The following AZU1 variants were observed in gnomAD, a reference collection of about 807,000 sequenced individuals.
AZU1 encodes azurocidin.
A neutral mutation model predicts 17.8 loss-of-function variants in AZU1; 21 were observed. The observed-to-expected ratio is 1.18, with a 90% CI of 0.84 to 1.70. The LOEUF (loss-of-function observed/expected upper bound fraction) is 1.70. AZU1 is among the 40% of genes most tolerant of loss of function. The pLI, the probability that AZU1 is intolerant of heterozygous loss-of-function variation, is 0.00. For missense variants in AZU1, 379 were observed against 362.9 expected (o/e 1.04, Z -0.36); for synonymous variants, 178 against 155.2 (o/e 1.15, Z -1.09).
intron 4 of AZU1, chr19:831,326 C>T: frequency 3.1e-6 from 1 of 318,376 alleles, no homozygotes; most frequent in Non-Finnish European, 5.8e-6. Flanking sequence ...GATCGACCCA[C>T]CTTGGCCTCC....
chr19:828,360 G>A lies in AZU1; in HGVS notation c.189G>A (p.Met63Ile), dbSNP rs755091033. Residue 63 changes from methionine to isoleucine, a missense_variant, in exon 2 of 5, where the codon ATG (methionine) becomes ATA (isoleucine). Transcript: ENST00000233997. The stretch of plus-strand genomic sequence containing the variant: ...CCCTGATCCATGCCCGCTTCGTGAT[G>A]ACCGCGGCCAGCTGCTTCCAAAGCC... ...GGALIHARFVMTAASCFQSQN... is the reference protein window; with the variant it reads ...GGALIHARFVITAASCFQSQN... 2 of 1,596,734 alleles carry A rather than the reference G, an allele frequency of 1.3e-6. No individual in the cohort carries two copies. The highest frequency in any genetic ancestry group is 2.7e-5 in the African/African-American group (2 of 74,220).
At chr19:829,979 T>A (rs1311948778) in intron 3 of AZU1, among the ~76,000 whole-genome samples, 2 of 149,946 alleles carry the variant, frequency 1.3e-5, no homozygotes, top group Non-Finnish European at 3.0e-5. Flanking sequence ...TGTGTGTATC[T>A]TGCCGGGTGA....
intron 3 of AZU1, among the ~76,000 whole-genome samples, chr19:830,120 C>A (rs962294627): frequency 6.6e-6 from 1 of 151,948 alleles, no homozygotes; most frequent in African/African-American, 2.4e-5. Flanking sequence ...ATTAGCCAGG[C>A]ATGGCAGCGG....
At chr19:830,301 T>C (rs2035271938) in intron 3 of AZU1, among the ~76,000 whole-genome samples, 1 of 152,162 alleles carries the variant, frequency 6.6e-6, no homozygotes, top group Admixed American at 6.6e-5. Context: ...CATACAGATG[T>C]ACCACGGTTC....
chr19:830,573 C>T, intron 3 of AZU1, 135 bp from the exon 4 acceptor site: 2 of 800,636 alleles, frequency 2.5e-6, no homozygotes, highest in Non-Finnish European at 3.8e-6. Context: ...AGCCACCGCA[C>T]CCGGCCCCTG....
At chr19:831,080 C>CTTTT in intron 4 of AZU1, 139 bp downstream of exon 4, 2 of 591,018 alleles carry the variant, frequency 3.4e-6, no homozygotes, top group Non-Finnish European at 5.6e-6. Flanking sequence ...GAAACAGTAT[C>CTTTT]TTTTTTTTTT....
chr19:830,890 C>G lies in AZU1; in HGVS notation c.543C>G (p.Arg181=). The change falls in exon 4 of 5, where the codon CGC becomes CGG. Residue 181 remains arginine (R), a synonymous_variant. Transcript: ENST00000233997. ...CTGTGACCCCCGAGGACCAGTGTCGCCCCAACAACGTGTGCACCGGTGTGC... is the reference window on the plus strand; with the variant it reads ...CTGTGACCCCCGAGGACCAGTGTCGGCCCAACAACGTGTGCACCGGTGTGC... The part of the protein sequence containing the change: ...NVTVTPEDQC[R]PNNVCTGVLT... 1 of 1,605,708 alleles carries G rather than the reference C, an allele frequency of 6.2e-7. No homozygotes were observed. Among genetic ancestry groups the G allele is most frequent in the Non-Finnish European group, 8.5e-7 (1 of 1,179,946 alleles).
In AZU1 at chr19:829,718, G is replaced by T; in HGVS notation, c.360+12G>T. 1 of 1,611,430 alleles carries T rather than the reference G, an allele frequency of 6.2e-7. No homozygotes were observed. The highest frequency in any genetic ancestry group is 1.1e-5 in the South Asian group (1 of 91,050). On this transcript the variant is annotated intron_variant, in intron 3 of 4. Transcript: ENST00000233997. The stretch of plus-strand genomic sequence containing the variant: ...TGATGCTGCTTCAGGTGAGAGGATG[G>T]TGCCACCTGTGATCCCAGCACCTCG...
chr19:830,142 C>T (rs1163691199), intron 3 of AZU1, among the ~76,000 whole-genome samples: 2 of 152,096 alleles, frequency 1.3e-5, no homozygotes, highest in African/African-American at 2.4e-5. Context: ...CGCCTCTAGT[C>T]CCAGCTACTC....
At chr19:829,139 A>G (rs1400313944) in intron 2 of AZU1, among the ~76,000 whole-genome samples, 17 of 62,002 alleles carry the variant, frequency 2.7e-4, no homozygotes, top group African/African-American at 3.4e-4. Flanking sequence ...CAGAGAAGGG[A>G]AGGGGGTCAG....
intron 1 of AZU1, 92 bp from the exon 2 acceptor site, chr19:828,138 T>C: frequency 6.9e-7 from 1 of 1,448,194 alleles, no homozygotes; most frequent in South Asian, 1.3e-5. Context: ...GCAGCCCCAC[T>C]GGGTGGATAG....
chr19:829,934 ATATGTGTG>A (rs1389725808), intron 3 of AZU1, among the ~76,000 whole-genome samples: 18 of 120,398 alleles, frequency 1.5e-4, no homozygotes, highest in African/African-American at 7.2e-4. Flanking sequence ...ACAAAAATAT[ATATGTGTG>A]TGTGTGTGTG....
intron 3 of AZU1, among the ~76,000 whole-genome samples, 176 bp from the exon 4 acceptor site, chr19:830,532 G>T (rs1379491903): frequency 6.6e-6 from 1 of 152,230 alleles, no homozygotes; most frequent in Non-Finnish European, 1.5e-5. Flanking sequence ...CACCCACCTT[G>T]GCCTCGCAAC....
rs2035294688 is a variant in AZU1, at chr19:831,946, C to T, written c.*69C>T. The T allele has an allele frequency of 1.3e-6, 2 of 1,523,288 alleles. No individual in the cohort carries two copies. The highest frequency in any genetic ancestry group is 3.8e-5 in the Admixed American group (2 of 53,270). The allele number at this position is 1,523,288 out of a possible 1,614,324, so 94.4% of individuals were successfully genotyped here. A position where few individuals can be genotyped will look rare whatever the true frequency, so the allele number is the denominator to read the frequency against. On this transcript the variant is annotated 3_prime_UTR_variant, in exon 5 of 5. Coordinates refer to ENST00000233997, the MANE Select transcript of AZU1 (RefSeq NM_001700.5). ...CCTCCGGCGCTCCGCACCCACCTCC[C>T]ACGGCCCCGCCCCTGCCCCCGCTCC...
Position 830,755 on chromosome 19 carries a change from G to A in AZU1, c.408G>A (p.Leu136=). Residue 136 remains leucine, a synonymous_variant, in exon 4 of 5, where the codon CTG becomes CTA. Coordinates refer to ENST00000233997, the MANE Select transcript of AZU1 (RefSeq NM_001700.5). Reference sequence around the variant, plus strand: ...CCAGCAGCGTGACGATACTGCCACTGCCTCTGCAGAACGCCACGGTGGAAG... The same window carrying A: ...CCAGCAGCGTGACGATACTGCCACTACCTCTGCAGAACGCCACGGTGGAAG... ...NLTSSVTILP[L]PLQNATVEAG... The A allele has an allele frequency of 6.2e-7, 1 of 1,601,554 alleles. No individual in the cohort carries two copies. The highest frequency in any genetic ancestry group is 8.5e-7 in the Non-Finnish European group (1 of 1,178,610).
rs768636849 is a variant in AZU1, at chr19:831,759, G to T, written c.638G>T (p.Gly213Val). ...TPLVCEGLAH[G>V]VASFSLGPCG... The stretch of plus-strand genomic sequence containing the variant: ...CTCGTCTGCGAGGGCCTGGCCCACG[G>T]CGTGGCCTCCTTTTCCCTGGGGCCC... The change falls in exon 5 of 5, where the codon GGC (glycine) becomes GTC (valine). Residue 213 changes from glycine to valine, a missense_variant. Transcript: ENST00000233997. 1.2e-5 allele frequency: 20 copies of T among 1,612,236 alleles called. No individual in the cohort carries two copies. The highest frequency in any genetic ancestry group is 1.3e-5 in the Non-Finnish European group (15 of 1,179,654).
At chr19:831,016 G>C in intron 4 of AZU1, 75 bp downstream of exon 4, 1 of 1,447,462 alleles carries the variant, frequency 6.9e-7, no homozygotes, top group African/African-American at 1.4e-5. Context: ...AGCAAGTGCA[G>C]GCTGAGGGCG....
rs200997500 is a variant in AZU1 at position 831,859 on chromosome 19, G to A, written c.738G>A (p.Pro246=). The change falls in exon 5 of 5, where the codon CCG becomes CCA. Residue 246 remains proline, a synonymous_variant. Transcript: ENST00000233997. ...RDWIDGVLNN[P]GPGPA ...GGATCGATGGTGTTCTCAACAACCC[G>A]GGACCGGGGCCAGCCTAGGGGGGCC... The A allele has an allele frequency of 7.4e-6, 12 of 1,612,266 alleles. No homozygotes were observed. Among genetic ancestry groups the A allele is most frequent in the African/African-American group, 5.3e-5 (4 of 75,008 alleles).
At position 831,980 on chromosome 19, in the gene AZU1, G is replaced by A. The variant is rs2035295833; in HGVS notation, c.*103G>A. On this transcript the variant is annotated 3_prime_UTR_variant, in exon 5 of 5. Transcript: ENST00000233997. ...GCCCCTGCCCCCGCTCCGGCCAGAG[G>A]GGCCCTGGCTGTAATAAAGAAGCCG... 5.1e-6 allele frequency: 7 copies of A among 1,366,086 alleles called. No homozygotes were observed. The South Asian group carries it at 8.2e-5, about 16-fold the overall frequency. 84.6% of individuals were successfully genotyped at this position (1,366,086 alleles called of 1,614,324 possible). A position where few individuals can be genotyped will look rare whatever the true frequency, so the allele number is the denominator to read the frequency against.
Sources: gnomAD v4.1 joint callset for allele counts (sites outside exome capture counted in the v4.1 genomes callset) on GRCh38, gnomAD v4.1.1 for gene constraint, MANE v1.5 for transcripts, NCBI Gene and HGNC (gene_info 2026-07-23, HGNC 2026-07-21) for gene names.